Variants in CCDC178 observed in about 807,000 individuals in gnomAD.
CCDC178 encodes coiled-coil domain containing 178, also known as coiled-coil domain-containing protein 178.
CCDC178 carries 126 observed loss-of-function variants against 117.4 expected under a neutral mutation model. The observed-to-expected ratio is 1.07, with a 90% CI of 0.93 to 1.24. The LOEUF is 1.24. Among genes scored for constraint, CCDC178 ranks in the 50% most tolerant of loss-of-function variants. The probability of loss-of-function intolerance (pLI) is 0.00; values close to 1 mark genes in which losing one functional copy is unlikely to be tolerated. For synonymous variants in CCDC178, 283 were observed against 313.4 expected (o/e 0.90, Z 1.02); for missense variants, 1,030 against 986.9 (o/e 1.04, Z -0.59).
rs1345850782 is a variant in CCDC178 at position 33,333,253 on chromosome 18, T to C, written c.800A>G (p.Asn267Ser). Residue 267 changes from asparagine (N) to serine (S), a missense_variant, in exon 10 of 23, where the codon AAT (asparagine) becomes AGT (serine). Transcript: ENST00000383096. ...AGAGTCCAGTAGAGGGCCATGTTCA[T>C]TCATGTAGTCTATGTCTGCTTGAAT... ...AKIQADIDYMNEHGPLLDSKQ... is the reference protein window; with the variant it reads ...AKIQADIDYMSEHGPLLDSKQ... 3 of 1,613,462 alleles carry C rather than the reference T, an allele frequency of 1.9e-6. No individual in the cohort carries two copies. The highest frequency in any genetic ancestry group is 1.3e-5 in the African/African-American group (1 of 75,016).
chr18:33,001,875 G>A (rs2055641561), intron 21 of CCDC178, among the ~76,000 whole-genome samples: 1 of 152,122 alleles, frequency 6.6e-6, no homozygotes, highest in Admixed American at 6.5e-5. Context: ...AAGAACAGTA[G>A]TAGCTATATT....
intron 6 of CCDC178, among the ~76,000 whole-genome samples, chr18:33,361,773 G>T (rs2063131263): frequency 6.6e-6 from 1 of 151,692 alleles, no homozygotes; most frequent in African/African-American, 2.4e-5. Flanking sequence ...ACACACATAA[G>T]GATGACTACT....
intron 22 of CCDC178, among the ~76,000 whole-genome samples, chr18:32,946,662 T>C (rs2054356558): frequency 6.6e-6 from 1 of 151,772 alleles, no homozygotes. Flanking sequence ...TGAATTGAAT[T>C]ATAATAATTA....
At chr18:33,182,935 T>C (rs2058747573) in intron 20 of CCDC178, among the ~76,000 whole-genome samples, 1 of 152,038 alleles carries the variant, frequency 6.6e-6, no homozygotes, top group Non-Finnish European at 1.5e-5. Flanking sequence ...AACATAAACA[T>C]AGGCTATATG....
chr18:33,421,017 G>C (rs1169848511), intron 2 of CCDC178, among the ~76,000 whole-genome samples: 1 of 152,106 alleles, frequency 6.6e-6, no homozygotes, highest in Non-Finnish European at 1.5e-5. Flanking sequence ...TAGAGGAGAT[G>C]GTGTGGAAGT....
At chr18:33,139,331 C>T (rs1022115234) in intron 20 of CCDC178, among the ~76,000 whole-genome samples, 13 of 152,090 alleles carry the variant, frequency 8.5e-5, no homozygotes, top group Admixed American at 2.0e-4. Context: ...AATGTGGCAG[C>T]GACTTTGGAA....
At chr18:33,417,380 A>G (rs1289089356) in intron 2 of CCDC178, among the ~76,000 whole-genome samples, 2 of 152,236 alleles carry the variant, frequency 1.3e-5, no homozygotes, top group South Asian at 2.1e-4. Context: ...TATTCATGAC[A>G]TAACATAATT....
rs554588211 is a variant in CCDC178, at chr18:33,163,671, A to G, written c.2238+48225T>C. 2.6e-5 allele frequency among the ~76,000 whole-genome samples: 4 copies of G among 152,336 alleles called. No homozygotes were observed. The East Asian group carries it at 7.7e-4, about 29-fold the overall frequency. ...ATTGCTATAGCTATTCTATAATAAA[A>G]TAATTTGCATTTGACATGAAAATAA... On this transcript the variant is annotated intron_variant, in intron 20 of 22. Transcript: ENST00000383096.
intron 22 of CCDC178, among the ~76,000 whole-genome samples, chr18:32,948,498 A>G (rs2054405691): frequency 6.6e-6 from 1 of 152,110 alleles, no homozygotes; most frequent in African/African-American, 2.4e-5. Flanking sequence ...TTGATGCTAT[A>G]TTATGCAAAC....
At chr18:33,111,259 A>G (rs1414091163) in intron 20 of CCDC178, among the ~76,000 whole-genome samples, 1 of 151,594 alleles carries the variant, frequency 6.6e-6, no homozygotes, top group Non-Finnish European at 1.5e-5. Context: ...TGATTCTCAC[A>G]AATTCACTTA....
At chr18:33,418,200 TA>T (rs1353281284) in intron 2 of CCDC178, among the ~76,000 whole-genome samples, 5 of 152,152 alleles carry the variant, frequency 3.3e-5, no homozygotes, top group Non-Finnish European at 5.9e-5. Flanking sequence ...ATACACAAAT[TA>T]ATAATGTCAT....
chr18:33,379,859 G>A (rs2063418352), intron 5 of CCDC178, among the ~76,000 whole-genome samples: 1 of 152,152 alleles, frequency 6.6e-6, no homozygotes, highest in African/African-American at 2.4e-5. Flanking sequence ...AGTAGTGAGA[G>A]CCCTACTGCA....
At chr18:33,017,010 C>A (rs535410811) in intron 21 of CCDC178, among the ~76,000 whole-genome samples, 37 of 151,754 alleles carry the variant, frequency 2.4e-4, no homozygotes, top group African/African-American at 8.9e-4. Context: ...ACATTATATT[C>A]AATAGTAAAT....
intron 21 of CCDC178, among the ~76,000 whole-genome samples, chr18:33,058,184 C>T (rs1240877962): frequency 6.6e-6 from 1 of 152,126 alleles, no homozygotes; most frequent in African/African-American, 2.4e-5. Context: ...AAACATACGT[C>T]TACACAAAGA....
intron 21 of CCDC178, among the ~76,000 whole-genome samples, chr18:33,005,502 G>A (rs542536147): frequency 1.3e-5 from 2 of 151,924 alleles, no homozygotes; most frequent in South Asian, 2.1e-4. Context: ...TGGTTAATGG[G>A]TATAAAAATA....
intron 20 of CCDC178, among the ~76,000 whole-genome samples, chr18:33,177,060 A>G (rs2058671942): frequency 6.6e-6 from 1 of 152,226 alleles, no homozygotes. Context: ...TTGCAGGTAC[A>G]TGGATAAAGC....
intron 5 of CCDC178, among the ~76,000 whole-genome samples, chr18:33,384,949 T>C (rs2063477296): frequency 6.6e-6 from 1 of 152,182 alleles, no homozygotes; most frequent in Non-Finnish European, 1.5e-5. Flanking sequence ...AACCCATCAG[T>C]GTGCTGTATT....
chr18:33,323,244 AAT>A (rs1294473780), intron 11 of CCDC178: 2 of 228,798 alleles, frequency 8.7e-6, no homozygotes, highest in Non-Finnish European at 1.7e-5. Context: ...GCAATTTTGC[AAT>A]ATATATGAAG....
intron 6 of CCDC178, among the ~76,000 whole-genome samples, chr18:33,367,899 C>T (rs929591261): frequency 6.6e-6 from 1 of 151,978 alleles, no homozygotes; most frequent in Admixed American, 6.6e-5. Flanking sequence ...AATCTCCTTT[C>T]AGATAAAACT....
Sources: allele counts gnomAD v4.1 joint callset (sites outside exome capture counted in the v4.1 genomes callset), GRCh38; gene constraint gnomAD v4.1.1; transcripts MANE v1.5; gene names NCBI Gene and HGNC (gene_info 2026-07-23, HGNC 2026-07-21).